Variants in PPHLN1 observed in about 807,000 individuals in gnomAD.
The protein encoded by PPHLN1 is periphilin-1.
PPHLN1 carries 29 observed loss-of-function variants against 51.3 expected under a neutral mutation model. The ratio of observed to expected loss-of-function variants is 0.57; its 90% CI spans 0.42 to 0.77. The LOEUF (loss-of-function observed/expected upper bound fraction) is 0.77. Ranked by LOEUF, PPHLN1 falls within the 30% of genes least tolerant of loss-of-function variation. PPHLN1 has a pLI of 0.00. For missense variants in PPHLN1, 436 were observed against 438.4 expected (o/e 0.99, Z 0.05); for synonymous variants, 147 against 147.8 (o/e 0.99, Z 0.04).
At chr12:42,404,751 C>T (rs956689512) in intron 9 of PPHLN1, among the ~76,000 whole-genome samples, 2 of 151,634 alleles carry the variant, frequency 1.3e-5, no homozygotes, top group African/African-American at 2.4e-5. Flanking sequence ...GTTTTGCAGC[C>T]GGGTATGGTG....
In PPHLN1 at chr12:42,378,927, A is replaced by G. The variant is rs543014694; in HGVS notation, c.511+3853A>G. ...TATTTTTAGTTCCTTTTTGTTGTCC[A>G]TGTTCACATGCTAGCAGTGCAGATT... On this transcript the variant is annotated intron_variant, in intron 5 of 9. Coordinates refer to ENST00000358314, the MANE Select transcript of PPHLN1 (RefSeq NM_201439.2). 3.3e-5 allele frequency among the ~76,000 whole-genome samples: 5 copies of G among 152,196 alleles called. No individual in the cohort carries two copies. The East Asian group carries it at 7.7e-4, about 23-fold the overall frequency.
chr12:42,382,861 G>T (rs1437347316), intron 5 of PPHLN1, among the ~76,000 whole-genome samples: 1 of 152,132 alleles, frequency 6.6e-6, no homozygotes, highest in East Asian at 1.9e-4. Context: ...AGAAGAATGA[G>T]ACCTTTTAGT....
intron 8 of PPHLN1, among the ~76,000 whole-genome samples, chr12:42,398,300 A>C (rs149548758): frequency 3.9e-4 from 60 of 152,344 alleles, no homozygotes; most frequent in African/African-American, 1.3e-3. Context: ...TACAGGAGCA[A>C]GGTGATTTAA....
At chr12:42,432,032 G>T in intron 9 of PPHLN1, 2 of 1,543,896 alleles carry the variant, frequency 1.3e-6, no homozygotes, top group Non-Finnish European at 1.8e-6. Context: ...CTGGATCTTT[G>T]GGCACAGAAC....
intron 2 of PPHLN1, 67 bp downstream of exon 2, chr12:42,336,041 C>G (rs1178145110): frequency 9.8e-7 from 1 of 1,023,204 alleles, no homozygotes; most frequent in Admixed American, 2.5e-5. Flanking sequence ...TACACCAAAG[C>G]TAGGCCTATT....
downstream of PPHLN1, chr12:42,443,067 ACT>A: frequency 4.5e-6 from 1 of 222,748 alleles, no homozygotes; most frequent in South Asian, 8.0e-5. Flanking sequence ...AGTTAAGGCT[ACT>A]TTGGCCTTGC....
intron 2 of PPHLN1, among the ~76,000 whole-genome samples, chr12:42,339,731 G>A (rs1167514341): frequency 6.6e-6 from 1 of 152,120 alleles, no homozygotes; most frequent in African/African-American, 2.4e-5. Flanking sequence ...AAAGCTACTG[G>A]TGGTGGTTTC....
At chr12:42,420,144 G>A (rs867890165) in intron 9 of PPHLN1, among the ~76,000 whole-genome samples, 1 of 152,096 alleles carries the variant, frequency 6.6e-6, no homozygotes, top group Non-Finnish European at 1.5e-5. Flanking sequence ...AGTGTTTAGA[G>A]GAAAAATTTA....
At chr12:42,365,203 T>C (rs1430844923) in intron 4 of PPHLN1, among the ~76,000 whole-genome samples, 1 of 152,206 alleles carries the variant, frequency 6.6e-6, no homozygotes, top group African/African-American at 2.4e-5. Context: ...ATATTTGAGG[T>C]TGTACTTCAC....
At position 42,370,270 on chromosome 12, in the gene PPHLN1, T is replaced by C. The variant is rs77084558; in HGVS notation, c.300-4593T>C. ...CATGAATTTGCATTTCTATCACCTTTCCTGCAAATGCTGAGGCAGGTAGGT... is the reference window on the plus strand; with the variant it reads ...CATGAATTTGCATTTCTATCACCTTCCCTGCAAATGCTGAGGCAGGTAGGT... On this transcript the variant is annotated intron_variant, in intron 4 of 9. Transcript: ENST00000358314. 3.8e-3 allele frequency among the ~76,000 whole-genome samples: 572 copies of C among 152,342 alleles called. 4 individuals are homozygous for C. The highest frequency in any genetic ancestry group is 0.013 in the African/African-American group (538 of 41,580).
chr12:42,360,741 C>T (rs1785161840), intron 4 of PPHLN1, among the ~76,000 whole-genome samples: 1 of 152,086 alleles, frequency 6.6e-6, no homozygotes, highest in Non-Finnish European at 1.5e-5. Flanking sequence ...GATCTGCCCA[C>T]CTTGGCCTCC....
chr12:42,351,534 A>G (rs2073353842), intron 2 of PPHLN1: 1 of 158,812 alleles, frequency 6.3e-6, no homozygotes, highest in South Asian at 1.9e-4. Flanking sequence ...GTCTTACATA[A>G]TTTTATTTCT....
At chr12:42,372,992 T>C (rs955903401) in intron 4 of PPHLN1, among the ~76,000 whole-genome samples, 29 of 152,232 alleles carry the variant, frequency 1.9e-4, no homozygotes, top group African/African-American at 6.8e-4. Flanking sequence ...GTAAAATTTG[T>C]GACCCCTCAC....
chr12:42,439,445 T>C (rs2082751625), intron 9 of PPHLN1, among the ~76,000 whole-genome samples: 1 of 152,262 alleles, frequency 6.6e-6, no homozygotes, highest in Non-Finnish European at 1.5e-5. Context: ...TTTCTGTCTG[T>C]TCTTCTGCCA....
intron 9 of PPHLN1, among the ~76,000 whole-genome samples, chr12:42,414,867 C>G (rs748681154): frequency 6.6e-6 from 1 of 152,178 alleles, no homozygotes; most frequent in African/African-American, 2.4e-5. Flanking sequence ...GTTTTCTTTG[C>G]AAATTTACCT....
chr12:42,375,123 A>G (rs760042606), intron 5 of PPHLN1, 49 bp downstream of exon 5: 5 of 1,356,290 alleles, frequency 3.7e-6, no homozygotes, highest in South Asian at 1.4e-5. Flanking sequence ...TCCTCTGATG[A>G]GAATGTACTG....
intron 6 of PPHLN1, among the ~76,000 whole-genome samples, chr12:42,385,524 T>C (rs148635372): frequency 6.6e-6 from 1 of 152,312 alleles, no homozygotes; most frequent in Non-Finnish European, 1.5e-5. Context: ...CGGGATGATA[T>C]GTTTGTAAAG....
At chr12:42,408,836 C>CA (rs2079549399) in intron 9 of PPHLN1, among the ~76,000 whole-genome samples, 2 of 152,156 alleles carry the variant, frequency 1.3e-5, no homozygotes. Context: ...TGATAAGTCA[C>CA]ACTGAGAAAA....
intron 9 of PPHLN1, among the ~76,000 whole-genome samples, chr12:42,436,669 G>C (rs1045021562): frequency 2.0e-5 from 3 of 152,112 alleles, no homozygotes; most frequent in Non-Finnish European, 4.4e-5. Context: ...AACTCAGATA[G>C]TACTGAACCC....
Sources: allele counts gnomAD v4.1 joint callset (sites outside exome capture counted in the v4.1 genomes callset), GRCh38; gene constraint gnomAD v4.1.1; transcripts MANE v1.5; gene names NCBI Gene and HGNC (gene_info 2026-07-23, HGNC 2026-07-21).